Variants in TMEM45A observed in about 807,000 individuals in gnomAD.
The protein encoded by TMEM45A is transmembrane protein 45A.
TMEM45A carries 25 observed loss-of-function variants against 32.0 expected under a neutral mutation model. The ratio of observed to expected loss-of-function variants is 0.78; its 90% confidence interval spans 0.57 to 1.09. TMEM45A has a LOEUF of 1.09. Among genes scored for constraint, TMEM45A ranks in the 50% least tolerant of loss-of-function variants. The pLI, the probability that TMEM45A is intolerant of heterozygous loss-of-function variation, is 0.00. For missense variants in TMEM45A, 302 were observed against 325.0 expected (o/e 0.93, Z 0.54); for synonymous variants, 122 against 114.8 (o/e 1.06, Z -0.40).
At chr3:100,542,583 A>G (rs969622174) in intron 1 of TMEM45A, among the ~76,000 whole-genome samples, 3 of 152,158 alleles carry the variant, frequency 2.0e-5, no homozygotes, top group Non-Finnish European at 1.5e-5. Context: ...AAAAAGACAC[A>G]TGCACTCACA....
At chr3:100,529,360 C>A (rs1434523672) in intron 1 of TMEM45A, among the ~76,000 whole-genome samples, 1 of 152,178 alleles carries the variant, frequency 6.6e-6, no homozygotes, top group African/African-American at 2.4e-5. Flanking sequence ...TTTTAAAGTG[C>A]AAGCTTGGTG....
Position 100,556,876 on chromosome 3 carries a change from G to T in TMEM45A, c.307G>T (p.Gly103Trp), listed in dbSNP as rs1416482080. 1 of 1,614,020 alleles carries T rather than the reference G, an allele frequency of 6.2e-7. No individual in the cohort carries two copies. The highest frequency in any genetic ancestry group is 1.3e-5 in the African/African-American group (1 of 74,902). Residue 103 changes from glycine (G) to tryptophan (W), a missense_variant, in exon 3 of 6, where the codon GGG becomes TGG. Physicochemically the swap from Gly to Trp is radical, Grantham distance 184 (BLOSUM62 -2). Coordinates refer to ENST00000323523, the MANE Select transcript of TMEM45A (RefSeq NM_018004.3). ...WHHFTMYFFF[G>W]LLGVADILCF... ...TCATTTCACCATGTATTTCTTCTTT[G>T]GGCTGTTGGGTGTGGCAGATATCTT...
intron 1 of TMEM45A, among the ~76,000 whole-genome samples, chr3:100,507,388 T>C (rs973168115): frequency 2.0e-5 from 3 of 152,198 alleles, no homozygotes; most frequent in Admixed American, 1.3e-4. Context: ...CCAGATGAAT[T>C]TGTGGGAAAG....
chr3:100,536,548 G>A (rs928990736), intron 1 of TMEM45A, among the ~76,000 whole-genome samples: 1 of 152,210 alleles, frequency 6.6e-6, no homozygotes, highest in Non-Finnish European at 1.5e-5. Flanking sequence ...TTGAAAGCAT[G>A]AATGGATCCA....
At chr3:100,547,570 TGAGGAGGAG>T (rs144254352) in intron 1 of TMEM45A, among the ~76,000 whole-genome samples, 1 of 151,442 alleles carries the variant, frequency 6.6e-6, no homozygotes, top group Non-Finnish European at 1.5e-5. Flanking sequence ...TTGAATAGGC[TGAGGAGGAG>T]GAGGAGGAGG....
At chr3:100,537,125 G>A (rs1213377504) in intron 1 of TMEM45A, among the ~76,000 whole-genome samples, 2 of 152,066 alleles carry the variant, frequency 1.3e-5, no homozygotes, top group Non-Finnish European at 2.9e-5. Context: ...GTTTCACCAT[G>A]TTGGCTAGGT....
intron 1 of TMEM45A, among the ~76,000 whole-genome samples, chr3:100,515,162 A>G: frequency 6.6e-6 from 1 of 151,882 alleles, no homozygotes. Context: ...ATGCTGCTAT[A>G]AAGACACATG....
chr3:100,500,844 GT>G (rs781186355), intron 1 of TMEM45A, among the ~76,000 whole-genome samples: 11 of 152,224 alleles, frequency 7.2e-5, no homozygotes, highest in Non-Finnish European at 1.2e-4. Flanking sequence ...AAGGAAGTGG[GT>G]GGTATGCCTG....
chr3:100,569,087 G>A, intron 5 of TMEM45A, 120 bp downstream of exon 5: 8 of 1,047,968 alleles, frequency 7.6e-6, no homozygotes, highest in South Asian at 3.6e-5. Context: ...CATAAGACAG[G>A]GTAGCATAGC....
At position 100,524,753 on chromosome 3, in the gene TMEM45A, G is replaced by A. The variant is rs563864393; in HGVS notation, c.-3-30456G>A. 5.3e-5 allele frequency among the ~76,000 whole-genome samples: 8 copies of A among 152,280 alleles called. No homozygotes were observed. In the South Asian group the frequency reaches 1.7e-3, roughly 32 times the overall value. On this transcript the variant is annotated intron_variant, in intron 1 of 5. Coordinates refer to ENST00000323523, the MANE Select transcript of TMEM45A (RefSeq NM_018004.3). ...CCTATAAAAAGCCAGTCTTTGATGG[G>A]TTTCTGAGGTGGTCTTCAATTGCTG...
intron 1 of TMEM45A, among the ~76,000 whole-genome samples, chr3:100,530,911 G>T (rs1186543522): frequency 6.6e-6 from 1 of 152,110 alleles, no homozygotes; most frequent in African/African-American, 2.4e-5. Flanking sequence ...TTTACTGATT[G>T]CATTCCCATG....
At chr3:100,566,097 G>A (rs933178475) in intron 4 of TMEM45A, among the ~76,000 whole-genome samples, 5 of 152,152 alleles carry the variant, frequency 3.3e-5, no homozygotes, top group African/African-American at 9.7e-5. Context: ...GTTGTTGCAT[G>A]TACTTCATTC....
At chr3:100,496,330 C>G (rs549316184) in intron 1 of TMEM45A, among the ~76,000 whole-genome samples, 1 of 152,350 alleles carries the variant, frequency 6.6e-6, no homozygotes, top group South Asian at 2.1e-4. Flanking sequence ...GTCCTCCTCA[C>G]ATCCTCCTGT....
At chr3:100,511,946 C>A (rs1708171390) in intron 1 of TMEM45A, among the ~76,000 whole-genome samples, 1 of 151,922 alleles carries the variant, frequency 6.6e-6, no homozygotes, top group South Asian at 2.1e-4. Flanking sequence ...TATATGCACC[C>A]AATACAGGAG....
At position 100,562,064 on chromosome 3, in the gene TMEM45A, C is replaced by T. The variant is rs370855644; in HGVS notation, c.588+3475C>T. 3.9e-4 allele frequency among the ~76,000 whole-genome samples: 59 copies of T among 152,222 alleles called. 1 individual carries two copies. In the South Asian group the frequency reaches 5.2e-3, roughly 13 times the overall value. ...AGATAACAACAGGAAATTCAGACTT[C>T]GTTATAGGAAATTGGCCCCAGGCTT... is the stretch of plus-strand genomic sequence containing the variant. On this transcript the variant is annotated intron_variant, in intron 4 of 5. Coordinates refer to ENST00000323523, the MANE Select transcript of TMEM45A (RefSeq NM_018004.3).
chr3:100,574,246 C>T (rs888508290), intron 5 of TMEM45A: 1 of 152,046 alleles, frequency 6.6e-6, no homozygotes, highest in Admixed American at 6.5e-5. Context: ...AATTGATAGA[C>T]TGCTAGCAAG....
At chr3:100,514,070 C>A (rs999740608) in intron 1 of TMEM45A, among the ~76,000 whole-genome samples, 1 of 152,176 alleles carries the variant, frequency 6.6e-6, no homozygotes. Flanking sequence ...TTTATAGATT[C>A]AATGCCATCC....
intron 1 of TMEM45A, among the ~76,000 whole-genome samples, chr3:100,526,482 C>CT (rs1225195251): frequency 2.6e-5 from 4 of 151,850 alleles, no homozygotes. Context: ...ATCAAACTAG[C>CT]TTCAAATCCC....
intron 4 of TMEM45A, among the ~76,000 whole-genome samples, chr3:100,567,282 G>A (rs1443171745): frequency 6.6e-6 from 1 of 151,750 alleles, no homozygotes; most frequent in Non-Finnish European, 1.5e-5. Context: ...CCATTGAATG[G>A]CTTTGGCACC....
Sources: allele counts gnomAD v4.1 joint callset (sites outside exome capture counted in the v4.1 genomes callset), GRCh38; gene constraint gnomAD v4.1.1; transcripts MANE v1.5; gene names NCBI Gene and HGNC (gene_info 2026-07-23, HGNC 2026-07-21).